The following CTBP2 variants were observed in gnomAD, a reference collection of about 807,000 sequenced individuals.
CTBP2 encodes the protein C-terminal binding protein 2, also known as C-terminal-binding protein 2.
CTBP2 carries 30 observed loss-of-function variants against 80.3 expected under a neutral mutation model. That is an observed-to-expected ratio of 0.37 (90% CI 0.28 to 0.51). The LOEUF is 0.51. Among genes scored for constraint, CTBP2 ranks in the 20% least tolerant of loss-of-function variants. The probability of loss-of-function intolerance (pLI) is 0.93; values close to 1 mark genes in which losing one functional copy is unlikely to be tolerated. For synonymous variants in CTBP2, 594 were observed against 587.4 expected (o/e 1.01, Z -0.16); for missense variants, 1,212 against 1,375.3 (o/e 0.88, Z 1.88).
At chr10:125,152,683 C>T (rs1409497864) in intron 1 of CTBP2, among the ~76,000 whole-genome samples, 3 of 152,150 alleles carry the variant, frequency 2.0e-5, no homozygotes, top group African/African-American at 7.2e-5. Context: ...GCAAAATATA[C>T]TCTTTATTGA....
At chr10:125,076,602 G>A (rs1205019580) in intron 2 of CTBP2, among the ~76,000 whole-genome samples, 1 of 152,152 alleles carries the variant, frequency 6.6e-6, no homozygotes, top group Non-Finnish European at 1.5e-5. Context: ...GCCTCTCCAC[G>A]CAGCACAGAC....
chr10:125,009,411 C>T (rs1211606006), intron 1 of CTBP2, among the ~76,000 whole-genome samples: 2 of 152,120 alleles, frequency 1.3e-5, no homozygotes, highest in Admixed American at 6.5e-5. Flanking sequence ...GAGGCCGGGG[C>T]GGGACAGGGA....
chr10:125,079,894 G>T (rs774890666), intron 2 of CTBP2, among the ~76,000 whole-genome samples: 1 of 152,138 alleles, frequency 6.6e-6, no homozygotes, highest in African/African-American at 2.4e-5. Context: ...GCACTCCATG[G>T]AGAAGTACTT....
intron 1 of CTBP2, among the ~76,000 whole-genome samples, chr10:125,139,981 C>T (rs1241930915): frequency 6.6e-6 from 1 of 152,154 alleles, no homozygotes; most frequent in South Asian, 2.1e-4. Flanking sequence ...GCGTCTAGCA[C>T]ACCCCTTCCC....
chr10:125,154,640 G>C lies in CTBP2; in HGVS notation c.-206+5679C>G, dbSNP rs553937851. Among the ~76,000 whole-genome samples the C allele has an allele frequency of 3.3e-5, 3 of 90,788 alleles. No homozygotes were observed. The South Asian group carries it at 1.0e-3, about 30-fold the overall frequency. The allele number at this position is 90,788 out of a possible 152,430, so 59.6% of individuals were successfully genotyped here. A position where few individuals can be genotyped will look rare whatever the true frequency, so the allele number is the denominator to read the frequency against. ...ATGCAAACTACAACTGGTTCTCACCGAGTGTCGTTGCTAAAAAAACTGAAC... is the reference window on the plus strand; with the variant it reads ...ATGCAAACTACAACTGGTTCTCACCCAGTGTCGTTGCTAAAAAAACTGAAC... On this transcript the variant is annotated intron_variant, in intron 1 of 10. Transcript: ENST00000337195.
chr10:125,118,397 G>C (rs1853699515), intron 1 of CTBP2, among the ~76,000 whole-genome samples: 1 of 152,218 alleles, frequency 6.6e-6, no homozygotes, highest in Non-Finnish European at 1.5e-5. Context: ...CTGGAGAAAG[G>C]AACAAGGAAC....
chr10:125,131,796 C>A (rs527712889), intron 1 of CTBP2, among the ~76,000 whole-genome samples: 24 of 152,316 alleles, frequency 1.6e-4, no homozygotes, highest in Admixed American at 1.4e-3. Flanking sequence ...TTTTCCACAT[C>A]CAGCTGACAG....
intron 3 of CTBP2, chr10:124,999,509 C>G (rs928438957): frequency 4.6e-5 from 7 of 152,288 alleles, no homozygotes; most frequent in African/African-American, 1.7e-4. Flanking sequence ...ACAAGGGCCA[C>G]CCCTAGGTCT....
intron 1 of CTBP2, among the ~76,000 whole-genome samples, chr10:125,130,279 C>T (rs1017729766): frequency 2.0e-5 from 3 of 152,090 alleles, no homozygotes; most frequent in Admixed American, 2.0e-4. Context: ...AACTCCTGAC[C>T]TCAGGTGATC....
intron 2 of CTBP2, among the ~76,000 whole-genome samples, chr10:125,084,799 A>G (rs3844601): frequency 0.092 from 13,964 of 151,682 alleles, 993 homozygotes; most frequent in East Asian, 0.3. Context: ...CTTTCCCACC[A>G]AGACGCCTTG....
At chr10:124,996,953 G>C (rs1953685941) in intron 4 of CTBP2, 1 of 152,298 alleles carries the variant, frequency 6.6e-6, no homozygotes. Flanking sequence ...ATCACAGCCT[G>C]TAGCGGGGAC....
At chr10:125,062,558 C>CATCA (rs1380322929) in intron 2 of CTBP2, among the ~76,000 whole-genome samples, 1 of 148,230 alleles carries the variant, frequency 6.7e-6, no homozygotes, top group African/African-American at 2.5e-5. Flanking sequence ...GGGTCGCTGC[C>CATCA]ATCAGTAATA....
chr10:124,984,568 A>C lies in CTBP2; in HGVS notation c.*4950T>G, dbSNP rs930961699. On this transcript the variant is annotated 3_prime_UTR_variant, in exon 9 of 9. Coordinates refer to ENST00000309035, the MANE Select transcript of CTBP2 (RefSeq NM_022802.3). ...GCTCCTCTTTAGTTTTTTTCTGAGA[A>C]ATTTCCCATTTATGTCTTTTTAAAT... 1.9e-5 allele frequency: 10 copies of C among 538,772 alleles called. No homozygotes were observed. Among genetic ancestry groups the C allele is most frequent in the African/African-American group, 1.7e-4 (9 of 52,602 alleles). The allele number at this position is 538,772 out of a possible 1,614,324, so 33.4% of individuals were successfully genotyped here.
rs141243000 is a variant in CTBP2 at position 125,156,870 on chromosome 10, A to G, written c.-206+3449T>C. Among the ~76,000 whole-genome samples the G allele has an allele frequency of 6.5e-3, 988 of 152,340 alleles. 10 individuals carry two copies. The highest frequency in any genetic ancestry group is 0.02 in the Middle Eastern group (6 of 294). On this transcript the variant is annotated intron_variant, in intron 1 of 10. Transcript: ENST00000337195. Reference sequence around the variant, plus strand: ...GACTGAAGTTATTGATTATTCTCTGAAAGGGTAACTGACAAACTAGTTAAT... The same window carrying G: ...GACTGAAGTTATTGATTATTCTCTGGAAGGGTAACTGACAAACTAGTTAAT...
chr10:125,096,097 C>A (rs962497886), intron 2 of CTBP2, among the ~76,000 whole-genome samples: 2 of 152,152 alleles, frequency 1.3e-5, no homozygotes, highest in Admixed American at 1.3e-4. Context: ...TTCTTTTGTC[C>A]CCTTTGTCAA....
chr10:125,098,758 G>GAGAC (rs1850119127), intron 2 of CTBP2, among the ~76,000 whole-genome samples: 2 of 127,278 alleles, frequency 1.6e-5, no homozygotes, highest in South Asian at 2.6e-4. Context: ...GACAGAGAGA[G>GAGAC]AGAGAGAGAG....
At chr10:125,047,380 G>A (rs1961525723) in intron 2 of CTBP2, among the ~76,000 whole-genome samples, 1 of 152,228 alleles carries the variant, frequency 6.6e-6, no homozygotes, top group East Asian at 1.9e-4. Context: ...GACAGAAGTG[G>A]TTCCACCAGA....
At position 125,026,541 on chromosome 10, in the gene CTBP2, A is replaced by G. The variant is rs1483236664; in HGVS notation, c.1219T>C (p.Ser407Pro). The G allele has an allele frequency of 2.5e-6, 4 of 1,576,630 alleles. No homozygotes were observed. The South Asian group carries it at 4.6e-5, about 18-fold the overall frequency. Residue 407 changes from serine (S) to proline (P), a missense_variant, in exon 1 of 9, where the codon TCC becomes CCC. This residue lies in a region of CTBP2 where 848 missense variants were observed against 782.3 expected (regional missense o/e 1.08). Coordinates refer to ENST00000309035, the MANE Select transcript of CTBP2 (RefSeq NM_022802.3). ...AGGAGGTGCTGAGATGGTGCGCTGG[A>G]GGGACGGCGAGCCGGGTCTCCAGCT...
At chr10:125,117,388 C>T (rs1853519766) in intron 1 of CTBP2, among the ~76,000 whole-genome samples, 1 of 152,138 alleles carries the variant, frequency 6.6e-6, no homozygotes, top group Non-Finnish European at 1.5e-5. Flanking sequence ...CAGTGGGGTA[C>T]ACGTGTGACC....
Sources: allele counts gnomAD v4.1 joint callset (sites outside exome capture counted in the v4.1 genomes callset), GRCh38; gene constraint gnomAD v4.1.1; regional missense constraint gnomAD v4.1.1; transcripts MANE v1.5; gene names NCBI Gene and HGNC (gene_info 2026-07-23, HGNC 2026-07-21).